The following TMEM231 variants were observed in gnomAD, a reference collection of about 807,000 sequenced individuals.
TMEM231 encodes transmembrane protein 231.
In TMEM231, 40 loss-of-function variants were observed where a neutral mutation model predicts 38.5. The observed-to-expected ratio is 1.04, with a 90% confidence interval of 0.81 to 1.35. TMEM231 has a LOEUF of 1.35. Ranked by LOEUF, TMEM231 falls within the 40% of genes most tolerant of loss-of-function variation. The pLI is 0.00. For missense variants in TMEM231, 420 were observed against 416.9 expected, an observed-to-expected ratio of 1.01 and a Z score of -0.07; for synonymous variants, 199 against 181.7, an observed-to-expected ratio of 1.10 and a Z score of -0.77.
In TMEM231 at chr16:75,541,353, A is replaced by G. The variant is rs1347974076; in HGVS notation, c.767T>C (p.Ile256Thr). The G allele has an allele frequency of 1.9e-6, 3 of 1,606,012 alleles. No individual in the cohort carries two copies. The highest frequency in any genetic ancestry group is 2.2e-5 in the East Asian group (1 of 44,496). ...GACTCTTTAACAGAAAGGATATGAA[A>G]TGACTTCCACAGGGTATCGGATGAT... ...NAIIRYPVEV[I>T]SYQPGFWEMV... The change falls in exon 6 of 7, where the codon ATT (isoleucine) becomes ACT (threonine). Residue 256 changes from isoleucine to threonine, a missense_variant. Coordinates refer to ENST00000258173, the MANE Select transcript of TMEM231 (RefSeq NM_001077418.3).
At chr16:75,542,396 T>C (rs779771228) in intron 5 of TMEM231, among the ~76,000 whole-genome samples, 19 of 147,248 alleles carry the variant, frequency 1.3e-4, no homozygotes, top group African/African-American at 2.0e-4. Flanking sequence ...TGCTGGACCA[T>C]GGGATGCTGG....
rs553547986 is a variant in TMEM231, at chr16:75,551,944, A to G, written c.309+3860T>C. Among the ~76,000 whole-genome samples the G allele has an allele frequency of 9.9e-5, 15 of 150,918 alleles. No individual in the cohort carries two copies. In the South Asian group the frequency reaches 1.7e-3, roughly 17 times the overall value. Reference sequence around the variant, plus strand: ...GCCACTGCACTCCAGCCTGGGCAACAGAGTGAGACTTCATCTCAAAAAAAA... The same window carrying G: ...GCCACTGCACTCCAGCCTGGGCAACGGAGTGAGACTTCATCTCAAAAAAAA... On this transcript the variant is annotated intron_variant, in intron 2 of 6. Transcript: ENST00000258173.
chr16:75,556,237 C>G lies in TMEM231; in HGVS notation c.-28G>C. On this transcript the variant is annotated 5_prime_UTR_variant, in exon 1 of 7. Coordinates refer to ENST00000258173, the MANE Select transcript of TMEM231 (RefSeq NM_001077418.3). ...GCACCGCTCGCAGGCACTCCGCGAG[C>G]CGGGGGACCAAGTTTGGCTTCTCCT... 3.6e-6 allele frequency: 5 copies of G among 1,394,718 alleles called. No homozygotes were observed. The highest frequency in any genetic ancestry group is 3.0e-5 in the African/African-American group (2 of 66,454). The allele number at this position is 1,394,718 out of a possible 1,614,324, so 86.4% of individuals were successfully genotyped here. A position where few individuals can be genotyped will look rare whatever the true frequency, so the allele number is the denominator to read the frequency against.
At position 75,555,851 on chromosome 16, in the gene TMEM231, C is replaced by CG. The variant is rs758901376; in HGVS notation, c.261dup (p.Ala88ArgfsTer18). On this transcript the variant is annotated frameshift_variant, in exon 2 of 7. Coordinates refer to ENST00000258173, the MANE Select transcript of TMEM231 (RefSeq NM_001077418.3). LOFTEE classifies it high-confidence loss of function. ...CGATCCCCTTGCAGCCGGTTGAAGGCGGGGAACGTGCTCCAGGCGAGGAAC... is the reference window on the plus strand; with the variant it reads ...CGATCCCCTTGCAGCCGGTTGAAGGCGGGGGAACGTGCTCCAGGCGAGGAAC... 3.2e-6 allele frequency: 5 copies of CG among 1,581,230 alleles called. No individual in the cohort carries two copies. The South Asian group carries it at 5.8e-5, about 18-fold the overall frequency.
At chr16:75,545,258 C>T in intron 4 of TMEM231, 94 bp downstream of exon 4, 2 of 1,517,240 alleles carry the variant, frequency 1.3e-6, no homozygotes, top group South Asian at 1.3e-5. Flanking sequence ...CTGCGCCTGG[C>T]CTGACATTTC....
chr16:75,551,035 G>T (rs936253537), intron 2 of TMEM231, among the ~76,000 whole-genome samples: 1 of 151,790 alleles, frequency 6.6e-6, no homozygotes, highest in African/African-American at 2.4e-5. Flanking sequence ...TTTATTAAAG[G>T]TTAATTTCCT....
rs776470341 is a variant in TMEM231 at position 75,542,668 on chromosome 16, C to G, written c.598G>C (p.Gly200Arg). The G allele has an allele frequency of 1.2e-6, 2 of 1,613,838 alleles. No homozygotes were observed. The highest frequency in any genetic ancestry group is 1.1e-5 in the South Asian group (1 of 91,070). The change falls in exon 5 of 7, where the codon GGG (glycine) becomes CGG (arginine). Residue 200 changes from glycine to arginine, a missense_variant. Physicochemically the swap from Gly to Arg is moderately radical, Grantham distance 125 (BLOSUM62 -2). Coordinates refer to ENST00000258173, the MANE Select transcript of TMEM231 (RefSeq NM_001077418.3). ...DARYNISVIN[G>R]TSPFAYDYDL... Reference sequence around the variant, plus strand: ...TAGTCATAGGCAAAGGGGCTGGTCCCGTTGATCACGGATATCTGGGACACG... The same window carrying G: ...TAGTCATAGGCAAAGGGGCTGGTCCGGTTGATCACGGATATCTGGGACACG...
Position 75,545,198 on chromosome 16 carries a change from C to T in TMEM231, c.582+154G>A, listed in dbSNP as rs369880228. 3.3e-5 allele frequency among the ~76,000 whole-genome samples: 5 copies of T among 152,126 alleles called. No homozygotes were observed. In the East Asian group the frequency reaches 5.8e-4, roughly 18 times the overall value. ...TTCAAACTCCGGACCTCAAGTGATC[C>T]ATCCGCACATCTCCGCCTCCCAAAG... On this transcript the variant is annotated intron_variant, in intron 4 of 6. Coordinates refer to ENST00000258173, the MANE Select transcript of TMEM231 (RefSeq NM_001077418.3).
intron 2 of TMEM231, among the ~76,000 whole-genome samples, chr16:75,551,086 C>T (rs1414914384): frequency 1.3e-5 from 2 of 152,236 alleles, no homozygotes; most frequent in African/African-American, 2.4e-5. Context: ...CTTGTCATCA[C>T]CGGGTGCTCC....
intron 6 of TMEM231, among the ~76,000 whole-genome samples, chr16:75,540,697 T>C (rs2080615886): frequency 6.6e-6 from 1 of 152,256 alleles, no homozygotes; most frequent in Admixed American, 6.5e-5. Context: ...AGACAGGGAC[T>C]GGCAAGAATG....
At chr16:75,547,573 G>A (rs1047930639) in intron 2 of TMEM231, among the ~76,000 whole-genome samples, 3 of 151,998 alleles carry the variant, frequency 2.0e-5, no homozygotes, top group Admixed American at 6.6e-5. Context: ...GAGGTCAGAA[G>A]ATCGAGACCA....
At chr16:75,545,222 A>G (rs913430670) in intron 4 of TMEM231, 130 bp downstream of exon 4, 7 of 1,317,684 alleles carry the variant, frequency 5.3e-6, no homozygotes, top group Non-Finnish European at 7.2e-6. Context: ...CGCCTCCCAA[A>G]GTGCTGGGAT....
chr16:75,546,150 T>G, intron 2 of TMEM231, 196 bp from the exon 3 acceptor site: 1 of 1,511,554 alleles, frequency 6.6e-7, no homozygotes, highest in Non-Finnish European at 8.9e-7. Context: ...GTCCCTGAAC[T>G]TCATATCTGG....
rs1318557629 is a variant in TMEM231, at chr16:75,539,177, T to C, written c.*817A>G. On this transcript the variant is annotated 3_prime_UTR_variant, in exon 7 of 7. Coordinates refer to ENST00000258173, the MANE Select transcript of TMEM231 (RefSeq NM_001077418.3). ...GGAGGAGGGCCAAGTGCCCAGGCTG[T>C]TGGGTGAGGGCCAGAAAGAACCTGT... 2.6e-5 allele frequency: 4 copies of C among 151,718 alleles called. No homozygotes were observed. The highest frequency in any genetic ancestry group is 2.0e-4 in the Admixed American group (3 of 15,208). The allele number at this position is 151,718 out of a possible 1,614,324, so 9.4% of individuals were successfully genotyped here.
At chr16:75,549,198 G>C (rs2080727763) in intron 2 of TMEM231, among the ~76,000 whole-genome samples, 1 of 152,170 alleles carries the variant, frequency 6.6e-6, no homozygotes, top group Admixed American at 6.5e-5. Flanking sequence ...GTTATCACTT[G>C]GACCACTGAA....
At chr16:75,540,457 T>A (rs2080610759) in intron 6 of TMEM231, among the ~76,000 whole-genome samples, 1 of 152,208 alleles carries the variant, frequency 6.6e-6, no homozygotes, top group African/African-American at 2.4e-5. Flanking sequence ...CAGCCATCCA[T>A]CCATCTTCTA....
At chr16:75,549,749 C>G (rs2080735360) in intron 2 of TMEM231, among the ~76,000 whole-genome samples, 2 of 151,924 alleles carry the variant, frequency 1.3e-5, no homozygotes, top group African/African-American at 2.4e-5. Context: ...TACTCTGTTG[C>G]CCAGGCTGGA....
rs369627585 is a variant in TMEM231 at position 75,541,402 on chromosome 16, C to A, written c.718G>T (p.Asp240Tyr). 1 of 1,612,192 alleles carries A rather than the reference C, an allele frequency of 6.2e-7. No homozygotes were observed. The highest frequency in any genetic ancestry group is 8.5e-7 in the Non-Finnish European group (1 of 1,179,032). Reference protein sequence around the residue: ...NPIWLVGRAADAPFVINAIIR... With the variant: ...NPIWLVGRAAYAPFVINAIIR... Reference sequence around the variant, plus strand: ...ATAGCATTAATCACAAATGGAGCATCTGCGGCCCTGCCCACCAGCCAGATG... The same window carrying A: ...ATAGCATTAATCACAAATGGAGCATATGCGGCCCTGCCCACCAGCCAGATG... The change falls in exon 6 of 7, where the codon GAT becomes TAT. Residue 240 changes from aspartate to tyrosine, a missense_variant. Coordinates refer to ENST00000258173, the MANE Select transcript of TMEM231 (RefSeq NM_001077418.3).
chr16:75,540,087 T>C lies in TMEM231; in HGVS notation c.858A>G (p.Arg286=), dbSNP rs1266065613. 1 of 1,613,848 alleles carries C rather than the reference T, an allele frequency of 6.2e-7. No individual in the cohort carries two copies. Among genetic ancestry groups the C allele is most frequent in the Non-Finnish European group, 8.5e-7 (1 of 1,179,802 alleles). The change falls in exon 7 of 7, where the codon AGA becomes AGG. Residue 286 remains arginine, a synonymous_variant. Coordinates refer to ENST00000258173, the MANE Select transcript of TMEM231 (RefSeq NM_001077418.3). The stretch of plus-strand genomic sequence containing the variant: ...GATTCTGAAACACGAAGATCTTGAT[T>C]CTTTCAAACACCCAGAGGAAGATAA... ...ILLIFLWVFE[R]IKIFVFQNQV... is the part of the protein sequence containing the mutation.
Sources: gnomAD v4.1 joint callset for allele counts (sites outside exome capture counted in the v4.1 genomes callset) on GRCh38, gnomAD v4.1.1 for gene constraint, MANE v1.5 for transcripts, NCBI Gene and HGNC (gene_info 2026-07-23, HGNC 2026-07-21) for gene names.